The following LRRC7 variants were observed in gnomAD, a reference collection of about 807,000 sequenced individuals.
LRRC7 encodes leucine rich repeat containing 7, also known as leucine-rich repeat-containing protein 7.
A neutral mutation model predicts 175.7 loss-of-function variants in LRRC7; 23 were observed. The observed-to-expected ratio is 0.13, with a 90% confidence interval of 0.09 to 0.19. The LOEUF (loss-of-function observed/expected upper bound fraction) is 0.19, where lower values mean the gene tolerates loss of function less well. LRRC7 is among the 10% of genes least tolerant of loss of function. The probability of loss-of-function intolerance (pLI) is 1.00; values close to 1 mark genes in which losing one functional copy is unlikely to be tolerated. For missense variants in LRRC7, 1,354 were observed against 1,904.7 expected (o/e 0.71, Z 5.38); for synonymous variants, 685 against 680.9 (o/e 1.01, Z -0.09).
Position 69,668,149 on chromosome 1 carries a change from T to A in LRRC7, c.3-10232T>A, listed in dbSNP as rs370949122. Among the ~76,000 whole-genome samples, 37 of 152,168 alleles carry A rather than the reference T, an allele frequency of 2.4e-4. No homozygotes were observed. The East Asian group carries it at 7.0e-3, about 29-fold the overall frequency. On this transcript the variant is annotated intron_variant, in intron 1 of 26. Coordinates refer to ENST00000651989, the MANE Select transcript of LRRC7 (RefSeq NM_001370785.2). ...CACTTTTTAACATTTTGTGTTTCTT[T>A]TCTCTTTTTATTATACTTTAAGTTC...
intron 7 of LRRC7, among the ~76,000 whole-genome samples, chr1:69,904,602 G>A (rs1447796950): frequency 6.6e-6 from 1 of 151,952 alleles, no homozygotes; most frequent in Non-Finnish European, 1.5e-5. Context: ...CAAATATATT[G>A]CTATATATTT....
At position 69,834,889 on chromosome 1, in the gene LRRC7, A is replaced by G. The variant is rs199891365; in HGVS notation, c.590+20A>G. On this transcript the variant is annotated intron_variant, in intron 6 of 26. Coordinates refer to ENST00000651989, the MANE Select transcript of LRRC7 (RefSeq NM_001370785.2). ...TGGAAGGTAAGAATAAGAAATTTAA[A>G]TTATGCAATTATATCTCACCTTAGG... 3 of 1,573,656 alleles carry G rather than the reference A, an allele frequency of 1.9e-6. No homozygotes were observed. The highest frequency in any genetic ancestry group is 8.7e-7 in the Non-Finnish European group (1 of 1,143,924).
chr1:69,578,872 G>A (rs994431839), intron 1 of LRRC7, among the ~76,000 whole-genome samples: 1 of 149,278 alleles, frequency 6.7e-6, no homozygotes, highest in African/African-American at 2.5e-5. Context: ...CAGCACACCA[G>A]CATGGCACAT....
chr1:69,674,968 A>C (rs902902035), intron 1 of LRRC7, among the ~76,000 whole-genome samples: 1 of 152,184 alleles, frequency 6.6e-6, no homozygotes, highest in Non-Finnish European at 1.5e-5. Flanking sequence ...CACAACGCAA[A>C]GCATTTTACA....
At chr1:69,703,016 T>A (rs768659273) in intron 2 of LRRC7, among the ~76,000 whole-genome samples, 1 of 152,082 alleles carries the variant, frequency 6.6e-6, no homozygotes, top group South Asian at 2.1e-4. Context: ...GGTGACTTGT[T>A]CTCTGGCTCA....
At chr1:69,963,218 T>C (rs1651302469) in intron 8 of LRRC7, among the ~76,000 whole-genome samples, 1 of 151,162 alleles carries the variant, frequency 6.6e-6, no homozygotes, top group South Asian at 2.1e-4. Context: ...GTCAGGAGAA[T>C]TGCTTGAACC....
intron 21 of LRRC7, among the ~76,000 whole-genome samples, chr1:70,042,817 T>C (rs1660024105): frequency 6.6e-6 from 1 of 152,184 alleles, no homozygotes; most frequent in South Asian, 2.1e-4. Flanking sequence ...CCATAACAAA[T>C]ATGATTGGTA....
Position 70,137,627 on chromosome 1 carries a change from C to T in LRRC7, c.*15740C>T, listed in dbSNP as rs1666922128. On this transcript the variant is annotated 3_prime_UTR_variant, in exon 27 of 27. Transcript: ENST00000651989. The stretch of plus-strand genomic sequence containing the variant: ...AGTAAGAAATGCAACTTGAACAGCC[C>T]CTGAGATAAAATTTTCTAGGAAGTA... Among the ~76,000 whole-genome samples the T allele has an allele frequency of 6.6e-6, 1 of 152,102 alleles. No homozygotes were observed. The highest frequency in any genetic ancestry group is 6.5e-5 in the Admixed American group (1 of 15,272).
In LRRC7 at chr1:70,134,428, T is replaced by G; in HGVS notation, c.*12541T>G. Among the ~76,000 whole-genome samples, 1 of 152,206 alleles carries G rather than the reference T, an allele frequency of 6.6e-6. No homozygotes were observed. The highest frequency in any genetic ancestry group is 1.9e-4 in the East Asian group (1 of 5,194). On this transcript the variant is annotated 3_prime_UTR_variant, in exon 27 of 27. Transcript: ENST00000651989. ...CTCTAAGCTAATTATATCCTCACCC[T>G]CACAGCTTAGCCAGCCTCCTGGTCT...
At chr1:69,677,303 TCTTTATCCA>T (rs938759020) in intron 1 of LRRC7, among the ~76,000 whole-genome samples, 1 of 122,368 alleles carries the variant, frequency 8.2e-6, no homozygotes, top group Admixed American at 7.8e-5. Context: ...TCCCACATTT[TCTTTATCCA>T]CTTATAGGGT....
chr1:70,064,634 G>T (rs1419508595), intron 23 of LRRC7, among the ~76,000 whole-genome samples: 4 of 146,344 alleles, frequency 2.7e-5, no homozygotes, highest in Non-Finnish European at 6.0e-5. Flanking sequence ...GGCACTGCTT[G>T]GTATTTTGTT....
intron 21 of LRRC7, among the ~76,000 whole-genome samples, chr1:70,040,857 A>G (rs1659831154): frequency 6.6e-6 from 1 of 152,174 alleles, no homozygotes; most frequent in Non-Finnish European, 1.5e-5. Flanking sequence ...AGCATGTAAT[A>G]TGCAGGGATC....
At position 70,121,991 on chromosome 1, in the gene LRRC7, A is replaced by G. The variant is rs1666233847; in HGVS notation, c.*104A>G. 3 of 715,950 alleles carry G rather than the reference A, an allele frequency of 4.2e-6. No individual in the cohort carries two copies. The highest frequency in any genetic ancestry group is 3.8e-4 in the Middle Eastern group (1 of 2,642). The allele number at this position is 715,950 out of a possible 1,614,324, so 44.3% of individuals were successfully genotyped here. A position where few individuals can be genotyped will look rare whatever the true frequency, so the allele number is the denominator to read the frequency against. ...GCCAATTGCTGGACCAATGGCAAAC[A>G]TTAGTGCCAAATGTATAATACTATA... On this transcript the variant is annotated 3_prime_UTR_variant, in exon 27 of 27. Transcript: ENST00000651989.
In LRRC7 at chr1:70,141,672, T is replaced by TA. The variant is rs1379300139; in HGVS notation, c.*19786dup. The TA allele has an allele frequency of 1.3e-5, 2 of 152,168 alleles. No individual in the cohort carries two copies. The highest frequency in any genetic ancestry group is 2.9e-5 in the Non-Finnish European group (2 of 68,002). 9.4% of individuals were successfully genotyped at this position (152,168 alleles called of 1,614,324 possible). A position where few individuals can be genotyped will look rare whatever the true frequency, so the allele number is the denominator to read the frequency against. ...CCCTTTTTTGCTGGATCTTATAAAA[T>TA]ATGTGATACTTAAGTACACTGAAGT... On this transcript the variant is annotated 3_prime_UTR_variant, in exon 27 of 27. Transcript: ENST00000651989.
At chr1:69,790,923 C>A (rs766846255) in intron 3 of LRRC7, among the ~76,000 whole-genome samples, 2 of 151,930 alleles carry the variant, frequency 1.3e-5, no homozygotes. Context: ...TATTAAGTAA[C>A]AACCAGCCCA....
chr1:70,046,203 T>G (rs1455842869), intron 22 of LRRC7, among the ~76,000 whole-genome samples: 2 of 152,102 alleles, frequency 1.3e-5, no homozygotes, highest in Non-Finnish European at 2.9e-5. Context: ...AAAATGCCAA[T>G]ACACTTGAAA....
intron 2 of LRRC7, among the ~76,000 whole-genome samples, chr1:69,740,084 A>C (rs1460542855): frequency 6.6e-6 from 1 of 152,190 alleles, no homozygotes; most frequent in South Asian, 2.1e-4. Flanking sequence ...CAGTTTTCTA[A>C]ATAGAAGGAA....
intron 2 of LRRC7, among the ~76,000 whole-genome samples, chr1:69,742,945 G>A (rs997255889): frequency 6.6e-6 from 1 of 151,966 alleles, no homozygotes; most frequent in African/African-American, 2.4e-5. Flanking sequence ...AAGCAGAGTT[G>A]TTGTCTGGTC....
At chr1:70,055,419 A>C (rs1661070535) in intron 23 of LRRC7, among the ~76,000 whole-genome samples, 1 of 152,230 alleles carries the variant, frequency 6.6e-6, no homozygotes, top group African/African-American at 2.4e-5. Context: ...ACGCAATGGA[A>C]CTAGTTAGGA....
Sources: gnomAD v4.1 joint callset for allele counts (sites outside exome capture counted in the v4.1 genomes callset) on GRCh38, gnomAD v4.1.1 for gene constraint, MANE v1.5 for transcripts, NCBI Gene and HGNC (gene_info 2026-07-23, HGNC 2026-07-21) for gene names.